GPHN: variants seen among roughly 807,000 people sequenced by gnomAD.
GPHN encodes the protein gephyrin.
A neutral mutation model predicts 95.5 loss-of-function variants in GPHN; 17 were observed. The ratio of observed to expected loss-of-function variants is 0.18; its 90% CI spans 0.12 to 0.27. The LOEUF (loss-of-function observed/expected upper bound fraction) is 0.27, where lower values mean the gene tolerates loss of function less well. Among genes scored for constraint, GPHN ranks in the 10% least tolerant of loss-of-function variants. GPHN has a pLI of 1.00. For missense variants in GPHN, 660 were observed against 978.1 expected (o/e 0.67, Z 4.34); for synonymous variants, 320 against 322.5 (o/e 0.99, Z 0.08).
chr14:66,726,952 TTA>T (rs1240565903), intron 2 of GPHN, among the ~76,000 whole-genome samples: 2 of 152,170 alleles, frequency 1.3e-5, no homozygotes, highest in Non-Finnish European at 2.9e-5. Context: ...TGTTTAGACT[TTA>T]GTCTTATATG....
rs74739820 is a variant in GPHN at position 66,997,813 on chromosome 14, G to C, written c.964-25820G>C. ...GTTAACTTCTTGAAACATACCACTA[G>C]GGAGAAGCAAAGAAAAGAAAGCCAA... On this transcript the variant is annotated intron_variant, in intron 9 of 22. Coordinates refer to ENST00000478722, the MANE Select transcript of GPHN (RefSeq NM_020806.5). Among the ~76,000 whole-genome samples, 1,105 of 152,094 alleles carry C rather than the reference G, an allele frequency of 7.3e-3. 2 individuals carry two copies. Among genetic ancestry groups the C allele is most frequent in the Non-Finnish European group, 0.013 (867 of 67,990 alleles).
At chr14:66,993,237 T>C (rs1487257170) in intron 9 of GPHN, among the ~76,000 whole-genome samples, 1 of 151,658 alleles carries the variant, frequency 6.6e-6, no homozygotes, top group South Asian at 2.1e-4. Context: ...ATTCTCTCTC[T>C]CTCTTCACAT....
At chr14:66,633,442 C>T (rs1309122015) in intron 1 of GPHN, among the ~76,000 whole-genome samples, 2 of 152,066 alleles carry the variant, frequency 1.3e-5, no homozygotes, top group African/African-American at 4.8e-5. Flanking sequence ...TGGAATTTTG[C>T]ATTTTACTGT....
intron 6 of GPHN, among the ~76,000 whole-genome samples, chr14:66,918,793 C>T (rs2066050096): frequency 6.6e-6 from 1 of 152,166 alleles, no homozygotes; most frequent in Admixed American, 6.5e-5. Context: ...CCAGACCTCT[C>T]CTCGGTCAAG....
chr14:66,538,248 T>A (rs7143629), intron 1 of GPHN, among the ~76,000 whole-genome samples: 24,627 of 152,102 alleles, frequency 0.16, 3,863 homozygotes, highest in East Asian at 0.45. Context: ...TTTTTGTCTT[T>A]AGTTCATTAA....
At chr14:66,785,177 G>T (rs575466656) in intron 3 of GPHN, among the ~76,000 whole-genome samples, 9 of 152,122 alleles carry the variant, frequency 5.9e-5, no homozygotes, top group Admixed American at 3.9e-4. Flanking sequence ...AGACCAGCCT[G>T]GCCAACATGG....
chr14:67,656,628 A>T, the GPHN span: 1 of 1,565,720 alleles, frequency 6.4e-7, no homozygotes, highest in Non-Finnish European at 8.7e-7. Flanking sequence ...GACTTTTTCC[A>T]TTATAAATTC....
chr14:67,574,167 G>T, the GPHN span: 3 of 1,362,500 alleles, frequency 2.2e-6, no homozygotes, highest in African/African-American at 4.4e-5. The surrounding 1 kb of genome is among the most constrained non-coding windows in gnomAD (Gnocchi z 4.2). Context: ...AGGGACAGGT[G>T]CCACCTCGGA....
chr14:66,522,549 A>T (rs1222707978), intron 1 of GPHN, among the ~76,000 whole-genome samples: 2 of 152,094 alleles, frequency 1.3e-5, no homozygotes, highest in Non-Finnish European at 2.9e-5. Context: ...ATTTATTTGA[A>T]AATTAAACAC....
At chr14:66,576,741 G>A (rs904564691) in intron 1 of GPHN, among the ~76,000 whole-genome samples, 11 of 152,238 alleles carry the variant, frequency 7.2e-5, no homozygotes, top group African/African-American at 2.6e-4. Context: ...ATGTATTTAT[G>A]TAATCAAGAC....
chr14:67,125,454 G>A (rs2079244601), intron 17 of GPHN, among the ~76,000 whole-genome samples: 2 of 152,124 alleles, frequency 1.3e-5, no homozygotes, highest in Non-Finnish European at 2.9e-5. Flanking sequence ...TGTACCCTAG[G>A]TTTAAAGCAG....
At chr14:67,303,431 A>AT in the GPHN span, 1 of 1,009,762 alleles carries the variant, frequency 9.9e-7, no homozygotes, top group African/African-American at 1.6e-5. Context: ...GGGGTTCTGA[A>AT]ATAGTCCAGT....
chr14:66,546,889 T>A (rs761888031), intron 1 of GPHN, among the ~76,000 whole-genome samples: 2 of 152,208 alleles, frequency 1.3e-5, no homozygotes, highest in African/African-American at 4.8e-5. Flanking sequence ...ATTGAATAGA[T>A]ATTAAATGTG....
intron 2 of GPHN, among the ~76,000 whole-genome samples, chr14:66,745,350 T>G (rs1445067423): frequency 6.6e-6 from 1 of 152,090 alleles, no homozygotes; most frequent in African/African-American, 2.4e-5. Flanking sequence ...ACTTTACCCC[T>G]GAATACTTCA....
the GPHN span, chr14:67,620,187 G>A: frequency 5.4e-6 from 4 of 743,430 alleles, no homozygotes; most frequent in Non-Finnish European, 8.1e-6. Context: ...GCGAGGAGAG[G>A]ATGGGGAGAA....
chr14:67,301,384 C>A, the GPHN span: 58 of 1,597,158 alleles, frequency 3.6e-5, no homozygotes, highest in African/African-American at 5.4e-5. Context: ...ATTTTTGTTT[C>A]TTAGGTACAA....
chr14:66,564,062 CCATT>C (rs1229432922), intron 1 of GPHN, among the ~76,000 whole-genome samples: 1 of 151,910 alleles, frequency 6.6e-6, no homozygotes, highest in Non-Finnish European at 1.5e-5. Flanking sequence ...TCTGAAGTTC[CCATT>C]CATCTTCATA....
At chr14:67,592,262 T>A in the GPHN span, 24 of 392,080 alleles carry the variant, frequency 6.1e-5, no homozygotes, top group Non-Finnish European at 1.1e-4. Flanking sequence ...TGGCAAGACC[T>A]CATCTCTACT....
At chr14:67,517,423 C>T in the GPHN span, among the ~76,000 whole-genome samples, 7 of 151,976 alleles carry the variant, frequency 4.6e-5, no homozygotes, top group African/African-American at 1.5e-4. Context: ...TTTAGGGACC[C>T]GCAAAAATGT....
Sources: allele counts gnomAD v4.1 joint callset (sites outside exome capture counted in the v4.1 genomes callset), GRCh38; gene constraint gnomAD v4.1.1; non-coding constraint Gnocchi (gnomAD v3.1); transcripts MANE v1.5; gene names NCBI Gene and HGNC (gene_info 2026-07-23, HGNC 2026-07-21).